Variants in CTNNA3 observed in about 807,000 individuals in gnomAD.
CTNNA3 encodes the protein catenin alpha-3.
CTNNA3 carries 76 observed loss-of-function variants against 95.7 expected under a neutral mutation model. The observed-to-expected ratio is 0.79, with a 90% CI of 0.66 to 0.96. The LOEUF (loss-of-function observed/expected upper bound fraction) is 0.96. Among genes scored for constraint, CTNNA3 ranks in the 40% least tolerant of loss-of-function variants. The pLI, the probability that CTNNA3 is intolerant of heterozygous loss-of-function variation, is 0.00. For missense variants in CTNNA3, 1,191 were observed against 1,089.8 expected (o/e 1.09, Z -1.31); for synonymous variants, 431 against 374.4 (o/e 1.15, Z -1.74).
chr10:66,348,878 G>T lies in CTNNA3; in HGVS notation c.1732+30274C>A, dbSNP rs116630191. Among the ~76,000 whole-genome samples, 783 of 152,090 alleles carry T rather than the reference G, an allele frequency of 5.1e-3. 7 individuals are homozygous for T. The highest frequency in any genetic ancestry group is 0.018 in the African/African-American group (754 of 41,500). On this transcript the variant is annotated intron_variant, in intron 12 of 17. Transcript: ENST00000433211. ...AACAAAATTTCCTGGTGCTTCTACT[G>T]GTACCAGGGGATTTATGGTTTAGGC... is the stretch of plus-strand genomic sequence containing the variant.
chr10:66,177,458 A>G (rs1351334141), intron 13 of CTNNA3, among the ~76,000 whole-genome samples: 1 of 151,842 alleles, frequency 6.6e-6, no homozygotes, highest in African/African-American at 2.4e-5. Context: ...GGAGGGATCT[A>G]TTTTTTTCAG....
chr10:66,967,545 G>C (rs1401050630), intron 7 of CTNNA3, among the ~76,000 whole-genome samples: 1 of 151,892 alleles, frequency 6.6e-6, no homozygotes, highest in Non-Finnish European at 1.5e-5. Context: ...ACTTGCATCT[G>C]CACCCTCTAT....
At chr10:67,667,508 T>G (rs1821242603) in intron 1 of CTNNA3, among the ~76,000 whole-genome samples, 1 of 152,204 alleles carries the variant, frequency 6.6e-6, no homozygotes. Context: ...CTCTCAGATT[T>G]GCCACTAATG....
chr10:66,229,443 A>G (rs1274059569), intron 13 of CTNNA3, among the ~76,000 whole-genome samples: 9 of 152,094 alleles, frequency 5.9e-5, no homozygotes, highest in Admixed American at 5.2e-4. Context: ...TTGCTTGTCT[A>G]AAAAAGATCC....
intron 9 of CTNNA3, among the ~76,000 whole-genome samples, chr10:66,691,124 G>A (rs1300034510): frequency 6.6e-6 from 1 of 152,162 alleles, no homozygotes; most frequent in Non-Finnish European, 1.5e-5. Context: ...AGTGGGTGCA[G>A]TGCACCGTGC....
intron 13 of CTNNA3, among the ~76,000 whole-genome samples, chr10:66,106,337 T>TTGTGTGTGTG (rs201326026): frequency 4.9e-4 from 72 of 145,546 alleles, no homozygotes; most frequent in African/African-American, 1.4e-3. Context: ...GTGTGTGTGT[T>TTGTGTGTGTG]TGTGTGTGTG....
chr10:66,051,705 C>T (rs1341386681), intron 15 of CTNNA3, among the ~76,000 whole-genome samples: 1 of 152,090 alleles, frequency 6.6e-6, no homozygotes, highest in Admixed American at 6.6e-5. Context: ...GTTCTCATTC[C>T]TACAAATCAC....
At position 65,920,372 on chromosome 10, in the gene CTNNA3, T is replaced by C; in HGVS notation, c.2646A>G (p.Pro882=). 1.2e-6 allele frequency: 2 copies of C among 1,614,048 alleles called. No individual in the cohort carries two copies. Among genetic ancestry groups the C allele is most frequent in the South Asian group, 1.1e-5 (1 of 91,088 alleles). Residue 882 remains proline (P), a synonymous_variant, in exon 18 of 18, where the codon CCA becomes CCG. Transcript: ENST00000433211. The stretch of plus-strand genomic sequence containing the variant: ...CTCTAAATTCACTCATGACTTGCAA[T>C]GGATGGATTTTTTTCTTTGCTGAGC... ...RRGSAKKKIH[P]LQVMSEFRGR... is the part of the protein sequence containing the mutation.
intron 9 of CTNNA3, among the ~76,000 whole-genome samples, chr10:66,741,937 G>A (rs1408800510): frequency 1.3e-5 from 2 of 152,068 alleles, no homozygotes; most frequent in Non-Finnish European, 2.9e-5. Flanking sequence ...ACCCTGTGAT[G>A]ATTGTGTTAA....
At chr10:66,038,112 A>G (rs2079604406) in intron 15 of CTNNA3, among the ~76,000 whole-genome samples, 1 of 152,244 alleles carries the variant, frequency 6.6e-6, no homozygotes, top group African/African-American at 2.4e-5. Context: ...AAAGAGATCA[A>G]TAGACTGATT....
Position 67,747,237 on chromosome 10 carries a change from G to A in CTNNA3, c.-2+16197C>T, listed in dbSNP as rs569862444. 9.4e-5 allele frequency among the ~76,000 whole-genome samples: 14 copies of A among 149,408 alleles called. No individual in the cohort carries two copies. The South Asian group carries it at 3.0e-3, about 32-fold the overall frequency. On this transcript the variant is annotated intron_variant, in intron 1 of 17. Coordinates refer to the CTNNA3 transcript ENST00000684154. ...AGGAATATGAGCAGACCAGACGAGTGGGTTTCCCCCCAGTGCAGCACACCC... is the reference window on the plus strand; with the variant it reads ...AGGAATATGAGCAGACCAGACGAGTAGGTTTCCCCCCAGTGCAGCACACCC...
intron 12 of CTNNA3, among the ~76,000 whole-genome samples, chr10:66,325,628 C>G (rs946635155): frequency 1.3e-5 from 2 of 151,998 alleles, no homozygotes; most frequent in Non-Finnish European, 2.9e-5. Context: ...CTACATCTCC[C>G]CTGCAAGCAA....
At chr10:67,401,816 C>T (rs1844934855) in intron 5 of CTNNA3, among the ~76,000 whole-genome samples, 1 of 152,144 alleles carries the variant, frequency 6.6e-6, no homozygotes. Context: ...GATTGTAGCC[C>T]AAACTACAAC....
At chr10:67,723,484 G>A (rs1161400101) in intron 1 of CTNNA3, among the ~76,000 whole-genome samples, 1 of 151,812 alleles carries the variant, frequency 6.6e-6, no homozygotes, top group East Asian at 1.9e-4. Context: ...AGAGACTTTG[G>A]GGTTTCACCA....
chr10:66,772,320 G>A (rs1347307356), intron 8 of CTNNA3, among the ~76,000 whole-genome samples: 2 of 151,850 alleles, frequency 1.3e-5, no homozygotes, highest in African/African-American at 4.8e-5. Context: ...AGCTACTTAG[G>A]AGGCTGAGGC....
At chr10:66,521,708 C>A (rs74141567) in intron 10 of CTNNA3, among the ~76,000 whole-genome samples, 3,999 of 152,214 alleles carry the variant, frequency 0.026, 182 homozygotes, top group African/African-American at 0.091. Context: ...ATGCCTTTAG[C>A]ATATCAAAAA....
intron 14 of CTNNA3, among the ~76,000 whole-genome samples, chr10:66,086,984 A>C (rs2081008943): frequency 6.6e-6 from 1 of 152,156 alleles, no homozygotes; most frequent in African/African-American, 2.4e-5. Context: ...TAGATAAGCA[A>C]GATGGAAATT....
intron 12 of CTNNA3, among the ~76,000 whole-genome samples, chr10:66,342,557 T>C (rs1028119825): frequency 2.0e-5 from 3 of 152,078 alleles, no homozygotes; most frequent in Non-Finnish European, 4.4e-5. Context: ...GAAAACAATG[T>C]TGCATAGAAC....
intron 13 of CTNNA3, among the ~76,000 whole-genome samples, chr10:66,136,162 A>C (rs2083336168): frequency 6.6e-6 from 1 of 152,172 alleles, no homozygotes. Flanking sequence ...TCGGCCTTCC[A>C]AAGTGCTGGG....
Sources: gnomAD v4.1 joint callset for allele counts (sites outside exome capture counted in the v4.1 genomes callset) on GRCh38, gnomAD v4.1.1 for gene constraint, MANE v1.5 for transcripts, NCBI Gene and HGNC (gene_info 2026-07-23, HGNC 2026-07-21) for gene names.